The following GRM1 variants were observed in gnomAD, a reference collection of about 807,000 sequenced individuals.
GRM1 encodes the protein glutamate metabotropic receptor 1, also known as metabotropic glutamate receptor 1.
A neutral mutation model predicts 90.9 loss-of-function variants in GRM1; 33 were observed. The observed-to-expected ratio is 0.36, with a 90% CI of 0.28 to 0.49. The LOEUF is 0.49. Among genes scored for constraint, GRM1 ranks in the 20% least tolerant of loss-of-function variants. The pLI, the probability that GRM1 is intolerant of heterozygous loss-of-function variation, is 0.99. For missense variants in GRM1, 1,190 were observed against 1,534.3 expected (o/e 0.78, Z 3.75); for synonymous variants, 700 against 613.2 (o/e 1.14, Z -2.09).
chr6:146,109,045 G>C (rs1775438663), intron 1 of GRM1, among the ~76,000 whole-genome samples: 1 of 152,192 alleles, frequency 6.6e-6, no homozygotes, highest in Non-Finnish European at 1.5e-5. Context: ...GAGCATACAA[G>C]TTTGGAAAAT....
chr6:146,048,465 T>C (rs776286193), intron 1 of GRM1, among the ~76,000 whole-genome samples: 2 of 152,042 alleles, frequency 1.3e-5, no homozygotes, highest in African/African-American at 2.4e-5. Flanking sequence ...TTAAAACATA[T>C]GCTTTTTCAA....
intron 2 of GRM1, among the ~76,000 whole-genome samples, chr6:146,202,146 A>G (rs1181789009): frequency 6.6e-6 from 1 of 152,230 alleles, no homozygotes; most frequent in Non-Finnish European, 1.5e-5. Flanking sequence ...ATGGATAAAT[A>G]CATATATAAA....
chr6:146,264,878 A>G (rs1781823885), intron 2 of GRM1, among the ~76,000 whole-genome samples: 1 of 152,120 alleles, frequency 6.6e-6, no homozygotes, highest in South Asian at 2.1e-4. Context: ...ATTCTTTTTT[A>G]TGGCTGCATA....
At chr6:146,243,355 T>C (rs1780934727) in intron 2 of GRM1, among the ~76,000 whole-genome samples, 1 of 151,904 alleles carries the variant, frequency 6.6e-6, no homozygotes, top group Non-Finnish European at 1.5e-5. Context: ...ACTTTAGGAG[T>C]GTTTCTGTTT....
At position 146,114,942 on chromosome 6, in the gene GRM1, G is replaced by A. The variant is rs190122000; in HGVS notation, c.701-44406G>A. Among the ~76,000 whole-genome samples the A allele has an allele frequency of 1.6e-3, 242 of 152,060 alleles. 1 individual carries two copies. The highest frequency in any genetic ancestry group is 8.6e-3 in the Admixed American group (131 of 15,264). Reference sequence around the variant, plus strand: ...GATCATTCCAATACTGTGGATATAAGGTTTATCAAAGGCTTACCTAAGGAC... The same window carrying A: ...GATCATTCCAATACTGTGGATATAAAGTTTATCAAAGGCTTACCTAAGGAC... On this transcript the variant is annotated intron_variant, in intron 1 of 7. Transcript: ENST00000282753.
At chr6:146,144,575 T>C (rs966417060) in intron 1 of GRM1, among the ~76,000 whole-genome samples, 3 of 152,216 alleles carry the variant, frequency 2.0e-5, no homozygotes, top group African/African-American at 7.2e-5. Flanking sequence ...CATTTCTTTA[T>C]TAATTACTCA....
At chr6:146,043,572 G>A (rs1382829353) in intron 1 of GRM1, among the ~76,000 whole-genome samples, 2 of 151,376 alleles carry the variant, frequency 1.3e-5, no homozygotes, top group African/African-American at 4.8e-5. Flanking sequence ...GAGCTAACAT[G>A]TTTCATCTTA....
At chr6:146,405,017 G>T (rs1447635805) in intron 7 of GRM1, among the ~76,000 whole-genome samples, 1 of 152,152 alleles carries the variant, frequency 6.6e-6, no homozygotes, top group African/African-American at 2.4e-5. Flanking sequence ...CGAGCTGAAA[G>T]AAATAATAAG....
intron 1 of GRM1, among the ~76,000 whole-genome samples, chr6:146,100,293 C>A (rs542434498): frequency 6.6e-6 from 1 of 152,108 alleles, no homozygotes; most frequent in Non-Finnish European, 1.5e-5. Flanking sequence ...ATATGATAAG[C>A]AGATGTTCTT....
At chr6:146,145,097 T>C (rs2128885463) in intron 1 of GRM1, among the ~76,000 whole-genome samples, 1 of 152,290 alleles carries the variant, frequency 6.6e-6, no homozygotes, top group Admixed American at 6.5e-5. Context: ...TTTTGGCTGC[T>C]AATCCCGAAA....
chr6:146,051,095 G>A (rs1791507081), intron 1 of GRM1, among the ~76,000 whole-genome samples: 1 of 151,978 alleles, frequency 6.6e-6, no homozygotes, highest in Admixed American at 6.6e-5. Context: ...TGGTTAATAA[G>A]GAGACTTGGA....
intron 1 of GRM1, among the ~76,000 whole-genome samples, chr6:146,061,013 A>C (rs938568772): frequency 2.0e-5 from 3 of 151,896 alleles, no homozygotes; most frequent in Admixed American, 2.0e-4. Flanking sequence ...ATGTTGACCA[A>C]TTGGCCTAAT....
chr6:146,136,881 C>T (rs909415173), intron 1 of GRM1, among the ~76,000 whole-genome samples: 4 of 133,498 alleles, frequency 3.0e-5, no homozygotes, highest in African/African-American at 5.6e-5. Flanking sequence ...GAGACAGAGC[C>T]TTGCTCTGTC....
intron 2 of GRM1, 107 bp downstream of exon 2, chr6:146,159,704 T>G: frequency 9.2e-7 from 1 of 1,090,184 alleles, no homozygotes; most frequent in Non-Finnish European, 1.3e-6. Context: ...AAACTAGACT[T>G]GCTAACTCCA....
intron 1 of GRM1, among the ~76,000 whole-genome samples, chr6:146,054,623 A>T (rs1286048831): frequency 2.0e-5 from 3 of 152,046 alleles, no homozygotes; most frequent in Non-Finnish European, 4.4e-5. Context: ...TTCATTTCTC[A>T]CATTTATGGA....
At chr6:146,215,551 T>C (rs1374674056) in intron 2 of GRM1, among the ~76,000 whole-genome samples, 3 of 152,174 alleles carry the variant, frequency 2.0e-5, no homozygotes, top group Non-Finnish European at 4.4e-5. Context: ...TCTTAGGTCT[T>C]ATTAGAATAG....
rs371390944 is a variant in GRM1 at position 146,349,800 on chromosome 6, T to A, written c.1187-2450T>A. On this transcript the variant is annotated intron_variant, in intron 3 of 7. Transcript: ENST00000282753. ...AAAAATTACATAACTGTGAAATTAG[T>A]TAAAAAATAATGACATTCTACTGAC... 2.6e-5 allele frequency among the ~76,000 whole-genome samples: 4 copies of A among 152,328 alleles called. 1 individual carries two copies. The highest frequency in any genetic ancestry group is 9.6e-5 in the African/African-American group (4 of 41,576).
chr6:146,353,098 A>G (rs1334124994), intron 4 of GRM1, among the ~76,000 whole-genome samples: 1 of 152,232 alleles, frequency 6.6e-6, no homozygotes, highest in East Asian at 1.9e-4. Flanking sequence ...AAACCAAGGT[A>G]TATACATAAA....
chr6:146,311,340 T>C (rs1018809348), intron 3 of GRM1, among the ~76,000 whole-genome samples: 10 of 152,374 alleles, frequency 6.6e-5, no homozygotes, highest in Middle Eastern at 3.4e-3. Flanking sequence ...AGTGCTGTTA[T>C]AAGTTGCTTT....
Sources: allele counts gnomAD v4.1 joint callset (sites outside exome capture counted in the v4.1 genomes callset), GRCh38; gene constraint gnomAD v4.1.1; transcripts MANE v1.5; gene names NCBI Gene and HGNC (gene_info 2026-07-23, HGNC 2026-07-21).